The following CTNND2 variants were observed in gnomAD, a reference collection of about 807,000 sequenced individuals.
CTNND2 encodes catenin delta-2.
In CTNND2, 22 loss-of-function variants were observed where a neutral mutation model predicts 144.4. The ratio of observed to expected loss-of-function variants is 0.15; its 90% CI spans 0.11 to 0.22. CTNND2 has a LOEUF of 0.22. Ranked by LOEUF, CTNND2 falls within the 10% of genes least tolerant of loss-of-function variation. CTNND2 has a pLI of 1.00. For missense variants in CTNND2, 1,353 were observed against 1,618.8 expected, an observed-to-expected ratio of 0.84 and a Z score of 2.82; for synonymous variants, 751 against 695.6, an observed-to-expected ratio of 1.08 and a Z score of -1.25.
intron 2 of CTNND2, among the ~76,000 whole-genome samples, chr5:11,688,952 C>T (rs774213173): frequency 3.3e-5 from 5 of 152,122 alleles, no homozygotes; most frequent in African/African-American, 4.8e-5. Flanking sequence ...AATGACACAG[C>T]GAGGGCCACA....
chr5:11,656,967 G>T (rs1420026278), intron 2 of CTNND2, among the ~76,000 whole-genome samples: 1 of 152,120 alleles, frequency 6.6e-6, no homozygotes, highest in African/African-American at 2.4e-5. Context: ...CTTTGAGTTA[G>T]GAATATCAGT....
At chr5:11,205,243 C>A (rs1471641617) in intron 10 of CTNND2, among the ~76,000 whole-genome samples, 1 of 151,994 alleles carries the variant, frequency 6.6e-6, no homozygotes, top group Non-Finnish European at 1.5e-5. Flanking sequence ...CACACACACA[C>A]AAACTATGGA....
At chr5:11,598,155 T>C (rs895987870) in intron 2 of CTNND2, among the ~76,000 whole-genome samples, 2 of 152,168 alleles carry the variant, frequency 1.3e-5, no homozygotes, top group African/African-American at 4.8e-5. Context: ...GGTTAAATAA[T>C]TTGTCCAAAA....
At chr5:11,132,539 A>T (rs1401082299) in intron 12 of CTNND2, among the ~76,000 whole-genome samples, 1 of 152,112 alleles carries the variant, frequency 6.6e-6, no homozygotes. Flanking sequence ...CCCAGGAGAG[A>T]GTCCTCACTA....
chr5:11,069,215 T>C (rs1417784819), intron 16 of CTNND2, among the ~76,000 whole-genome samples: 2 of 152,260 alleles, frequency 1.3e-5, no homozygotes, highest in African/African-American at 4.8e-5. Context: ...TGAGTCATCA[T>C]GAACTTATGG....
chr5:11,778,240 G>A (rs916701988), intron 1 of CTNND2, among the ~76,000 whole-genome samples: 2 of 151,990 alleles, frequency 1.3e-5, no homozygotes, highest in African/African-American at 2.4e-5. Context: ...TTGTCCTTCT[G>A]TCTCTCAAAA....
rs779042290 is a variant in CTNND2 at position 11,213,425 on chromosome 5, C to G, written c.1762-13764G>C. ...TATTTTTTCACATTTCTATTGAACACAAAGAAAGCTGTTACCAGGGAAATC... is the reference window on the plus strand; with the variant it reads ...TATTTTTTCACATTTCTATTGAACAGAAAGAAAGCTGTTACCAGGGAAATC... On this transcript the variant is annotated intron_variant, in intron 10 of 21. Transcript: ENST00000304623. Among the ~76,000 whole-genome samples, 61 of 152,238 alleles carry G rather than the reference C, an allele frequency of 4.0e-4. 1 individual carries two copies. Among genetic ancestry groups the G allele is most frequent in the Middle Eastern group, 3.4e-3 (1 of 294 alleles).
chr5:11,585,493 T>TATCTA (rs1320353487), intron 2 of CTNND2, among the ~76,000 whole-genome samples: 1 of 150,784 alleles, frequency 6.6e-6, no homozygotes, highest in African/African-American at 2.4e-5. Context: ...TATATCTATC[T>TATCTA]ATCTATCTAT....
At chr5:11,294,042 A>G (rs1345223488) in intron 9 of CTNND2, among the ~76,000 whole-genome samples, 2 of 151,646 alleles carry the variant, frequency 1.3e-5, no homozygotes, top group African/African-American at 2.4e-5. Flanking sequence ...TAATTATAGT[A>G]AGCCATGATC....
chr5:11,236,856 A>T (rs759249780), intron 9 of CTNND2, 33 bp from the exon 10 acceptor site: 2 of 1,612,944 alleles, frequency 1.2e-6, no homozygotes, highest in African/African-American at 2.7e-5. Context: ...GGAGAATATG[A>T]GAGAGAAATC....
chr5:11,008,143 C>G (rs1181142083), intron 18 of CTNND2, among the ~76,000 whole-genome samples: 1 of 152,178 alleles, frequency 6.6e-6, no homozygotes, highest in Non-Finnish European at 1.5e-5. Flanking sequence ...GATCATTACA[C>G]TCAGGCTTTT....
chr5:11,695,707 C>T (rs1785109716), intron 2 of CTNND2, among the ~76,000 whole-genome samples: 1 of 152,182 alleles, frequency 6.6e-6, no homozygotes, highest in South Asian at 2.1e-4. Context: ...GCTGTCTTAT[C>T]ATTTTAGTAC....
In CTNND2 at chr5:11,490,809, C is replaced by A. The variant is rs186079479; in HGVS notation, c.287+74135G>T. On this transcript the variant is annotated intron_variant, in intron 3 of 21. Coordinates refer to ENST00000304623, the MANE Select transcript of CTNND2 (RefSeq NM_001332.4). ...AATCTCTCGAATGAGATAAAATATGCCAAATAATTGCTCATCAAAATAAAA... is the reference window on the plus strand; with the variant it reads ...AATCTCTCGAATGAGATAAAATATGACAAATAATTGCTCATCAAAATAAAA... 7.2e-5 allele frequency among the ~76,000 whole-genome samples: 11 copies of A among 152,006 alleles called. No individual in the cohort carries two copies. In the East Asian group the frequency reaches 2.1e-3, roughly 29 times the overall value.
At chr5:11,265,574 A>G (rs144140753) in intron 9 of CTNND2, among the ~76,000 whole-genome samples, 6 of 152,240 alleles carry the variant, frequency 3.9e-5, no homozygotes, top group African/African-American at 9.6e-5. Flanking sequence ...CCCTTAATAC[A>G]AAAGTACTCC....
At chr5:11,853,513 C>A (rs13173868) in intron 1 of CTNND2, among the ~76,000 whole-genome samples, 39,203 of 151,992 alleles carry the variant, frequency 0.26, 5,408 homozygotes, top group Non-Finnish European at 0.31. Flanking sequence ...ATTGATGAAT[C>A]TCAAGTCACT....
chr5:11,333,378 CTTA>C (rs1317295335), intron 9 of CTNND2, among the ~76,000 whole-genome samples: 3 of 152,130 alleles, frequency 2.0e-5, no homozygotes, highest in Non-Finnish European at 4.4e-5. Context: ...ATCCTCCTGC[CTTA>C]GTCTTCACAG....
intron 2 of CTNND2, among the ~76,000 whole-genome samples, chr5:11,676,598 TAAA>T (rs747511362): frequency 2.2e-5 from 3 of 135,882 alleles, no homozygotes; most frequent in African/African-American, 2.7e-5. Context: ...CGTAAAAAGT[TAAA>T]AAAAAAAAAA....
chr5:11,617,144 G>A (rs1430472210), intron 2 of CTNND2, among the ~76,000 whole-genome samples: 1 of 152,132 alleles, frequency 6.6e-6, no homozygotes, highest in Non-Finnish European at 1.5e-5. Context: ...TTACCTCCGA[G>A]GATGGCCAAG....
At chr5:11,033,399 C>T (rs2149554582) in intron 16 of CTNND2, among the ~76,000 whole-genome samples, 1 of 152,270 alleles carries the variant, frequency 6.6e-6, no homozygotes, top group African/African-American at 2.4e-5. Context: ...CTGGATGAGA[C>T]TGATAAATGG....
Sources: gnomAD v4.1 joint callset for allele counts (sites outside exome capture counted in the v4.1 genomes callset) on GRCh38, gnomAD v4.1.1 for gene constraint, MANE v1.5 for transcripts, NCBI Gene and HGNC (gene_info 2026-07-23, HGNC 2026-07-21) for gene names.